RYR2: variants seen among roughly 807,000 people sequenced by gnomAD.
RYR2 encodes the protein cardiac muscle ryanodine receptor-calcium release channel.
RYR2 carries 227 observed loss-of-function variants against 601.1 expected under a neutral mutation model. The observed-to-expected ratio is 0.38, with a 90% confidence interval of 0.34 to 0.42. The LOEUF is 0.42. Among genes scored for constraint, RYR2 ranks in the 10% least tolerant of loss-of-function variants. RYR2 has a pLI of 1.00. For missense variants in RYR2, 4,646 were observed against 6,156.5 expected (o/e 0.75, Z 8.21); for synonymous variants, 2,223 against 2,175.1 (o/e 1.02, Z -0.61).
intron 1 of RYR2, among the ~76,000 whole-genome samples, chr1:237,261,730 C>A (rs985727147): frequency 1.6e-4 from 24 of 152,090 alleles, no homozygotes; most frequent in African/African-American, 5.8e-4. Flanking sequence ...ACCCTGTCTC[C>A]ACATCGTCAT....
chr1:237,690,089 G>A (rs997269943), intron 63 of RYR2, among the ~76,000 whole-genome samples: 3 of 152,054 alleles, frequency 2.0e-5, no homozygotes, highest in Admixed American at 6.5e-5. Flanking sequence ...TGCCCACCTC[G>A]GTCTGCCAAA....
chr1:237,081,459 G>A (rs1169706807), intron 1 of RYR2, among the ~76,000 whole-genome samples: 3 of 151,208 alleles, frequency 2.0e-5, no homozygotes, highest in African/African-American at 4.9e-5. Context: ...AGATCCACAG[G>A]AGGACCCTGT....
At chr1:237,577,029 T>C (rs1673296914) in intron 29 of RYR2, among the ~76,000 whole-genome samples, 1 of 152,170 alleles carries the variant, frequency 6.6e-6, no homozygotes, top group African/African-American at 2.4e-5. Flanking sequence ...AATTGGTCTC[T>C]CCACTTTGGA....
In RYR2 at chr1:237,417,103, A is replaced by G. The variant is rs180711819; in HGVS notation, c.828A>G (p.Arg276=). Reference sequence around the variant, plus strand: ...CTGTTCATGCACGTTCCCTTTGGAGACTAGAGACGCTAAGAGTTGCGTAAG... The same window carrying G: ...CTGTTCATGCACGTTCCCTTTGGAGGCTAGAGACGCTAAGAGTTGCGTAAG... ...AVSVHARSLW[R]LETLRVAWSG... Residue 276 remains arginine, a synonymous_variant, in exon 11 of 105, where the codon AGA becomes AGG. Coordinates refer to ENST00000366574, the MANE Select transcript of RYR2 (RefSeq NM_001035.3). 288 of 1,613,478 alleles carry G rather than the reference A, an allele frequency of 1.8e-4. No homozygotes were observed. In the African/African-American group the frequency reaches 2.4e-3, roughly 14 times the overall value.
chr1:237,822,987 T>C (rs1372717078), intron 101 of RYR2, among the ~76,000 whole-genome samples: 1 of 152,158 alleles, frequency 6.6e-6, no homozygotes, highest in African/African-American at 2.4e-5. Flanking sequence ...GAGCTAACTA[T>C]CCTAAATATA....
Position 237,794,100 on chromosome 1 carries a change from AT to A in RYR2, c.13913+104del, listed in dbSNP as rs1658797551. The A allele has an allele frequency of 3.6e-5, 34 of 940,924 alleles. No individual in the cohort carries two copies. The South Asian group carries it at 5.2e-4, about 14-fold the overall frequency. 58.3% of individuals were successfully genotyped at this position (940,924 alleles called of 1,614,324 possible). A position where few individuals can be genotyped will look rare whatever the true frequency, so the allele number is the denominator to read the frequency against. Reference sequence around the variant, plus strand: ...TTTGTCAAAAGTTTAGCAGAGGTGAATAATAGTTATATATTCAGCCAAGAAA... The same window carrying A: ...TTTGTCAAAAGTTTAGCAGAGGTGAAAATAGTTATATATTCAGCCAAGAAA... On this transcript the variant is annotated intron_variant, in intron 95 of 104. Transcript: ENST00000366574.
intron 1 of RYR2, among the ~76,000 whole-genome samples, chr1:237,148,039 A>G (rs1254593555): frequency 6.6e-6 from 1 of 152,174 alleles, no homozygotes; most frequent in Non-Finnish European, 1.5e-5. Flanking sequence ...ATTTTGCATA[A>G]TATGACAGTT....
chr1:237,417,970 T>G (rs1705179383), intron 11 of RYR2, among the ~76,000 whole-genome samples: 1 of 152,184 alleles, frequency 6.6e-6, no homozygotes, highest in Non-Finnish European at 1.5e-5. Context: ...AAGACATTAT[T>G]GATTTAGGAT....
At chr1:237,675,826 T>C (rs1685344215) in intron 60 of RYR2, among the ~76,000 whole-genome samples, 1 of 152,176 alleles carries the variant, frequency 6.6e-6, no homozygotes, top group South Asian at 2.1e-4. Context: ...CAATTGAGCA[T>C]CTTTCTCATA....
chr1:237,302,564 A>C (rs1273366124), intron 2 of RYR2, among the ~76,000 whole-genome samples: 1 of 152,134 alleles, frequency 6.6e-6, no homozygotes, highest in Non-Finnish European at 1.5e-5. Flanking sequence ...TATTCCTCTC[A>C]CTACAGAGTG....
intron 1 of RYR2, among the ~76,000 whole-genome samples, chr1:237,147,198 T>G (rs553101761): frequency 6.6e-6 from 1 of 151,946 alleles, no homozygotes; most frequent in Non-Finnish European, 1.5e-5. Context: ...CATGAGAGAT[T>G]GAGAAATCTT....
chr1:237,156,398 A>G (rs994128737), intron 1 of RYR2, among the ~76,000 whole-genome samples: 26 of 152,298 alleles, frequency 1.7e-4, no homozygotes, highest in African/African-American at 6.3e-4. Flanking sequence ...TGTTACACTT[A>G]CCTCCTGGAG....
intron 17 of RYR2, among the ~76,000 whole-genome samples, chr1:237,478,809 C>T (rs1364776227): frequency 6.6e-6 from 1 of 151,898 alleles, no homozygotes; most frequent in Non-Finnish European, 1.5e-5. Flanking sequence ...CCCTCGCTTA[C>T]CATCTGGCTG....
chr1:237,595,464 T>A, intron 33 of RYR2, 34 bp from the exon 34 acceptor site: 2 of 1,598,920 alleles, frequency 1.3e-6, no homozygotes, highest in South Asian at 1.1e-5. Context: ...TATCTGTGGT[T>A]GTACAAAGAT....
At chr1:237,064,841 C>CA (rs1478681567) in intron 1 of RYR2, among the ~76,000 whole-genome samples, 2 of 138,912 alleles carry the variant, frequency 1.4e-5, no homozygotes, top group Non-Finnish European at 3.0e-5. Flanking sequence ...AAGCCCATCA[C>CA]ATCCTATGAT....
intron 1 of RYR2, among the ~76,000 whole-genome samples, chr1:237,264,645 G>A (rs2065985): frequency 0.34 from 51,781 of 151,744 alleles, 11,142 homozygotes; most frequent in Non-Finnish European, 0.46. Flanking sequence ...GCTAGATACT[G>A]GGGCTATAAT....
intron 3 of RYR2, among the ~76,000 whole-genome samples, chr1:237,339,229 A>G (rs1038535281): frequency 6.6e-6 from 1 of 152,074 alleles, no homozygotes; most frequent in African/African-American, 2.4e-5. Context: ...AAATAATACC[A>G]CACTCATCAT....
intron 1 of RYR2, among the ~76,000 whole-genome samples, chr1:237,207,772 A>G (rs534341682): frequency 2.0e-5 from 3 of 152,252 alleles, no homozygotes; most frequent in African/African-American, 7.2e-5. Context: ...CTCTAAAACA[A>G]TTTTCATCCT....
At chr1:237,613,156 T>A (rs1678072824) in intron 36 of RYR2, among the ~76,000 whole-genome samples, 1 of 152,230 alleles carries the variant, frequency 6.6e-6, no homozygotes, top group Admixed American at 6.5e-5. Flanking sequence ...GATGCCCCAA[T>A]AACATGACAA....
Sources: gnomAD v4.1 joint callset for allele counts (sites outside exome capture counted in the v4.1 genomes callset) on GRCh38, gnomAD v4.1.1 for gene constraint, MANE v1.5 for transcripts, NCBI Gene and HGNC (gene_info 2026-07-23, HGNC 2026-07-21) for gene names.